The following HYDIN variants were observed in gnomAD, a reference collection of about 807,000 sequenced individuals.
HYDIN encodes HYDIN axonemal central pair apparatus protein.
Under a neutral mutation model 403.9 loss-of-function variants are expected in HYDIN, and 132 were observed. The observed-to-expected ratio is 0.33, with a 90% CI of 0.28 to 0.38. The LOEUF (loss-of-function observed/expected upper bound fraction) is 0.38, where lower values mean the gene tolerates loss of function less well. Ranked by LOEUF, HYDIN falls within the 10% of genes least tolerant of loss-of-function variation. The pLI is 1.00. For missense variants in HYDIN, 2,827 were observed against 5,009.5 expected, an observed-to-expected ratio of 0.56 and a Z score of 13.15; for synonymous variants, 1,202 against 1,891.7, an observed-to-expected ratio of 0.64 and a Z score of 9.46.
At chr16:71,163,006 G>A (rs542008191) in intron 5 of HYDIN, among the ~76,000 whole-genome samples, 208 of 152,296 alleles carry the variant, frequency 1.4e-3, no homozygotes, top group African/African-American at 4.7e-3. Flanking sequence ...ATGAAGGTCA[G>A]TGGAAGGCCA....
intron 9 of HYDIN, among the ~76,000 whole-genome samples, chr16:71,125,196 C>A (rs1234655539): frequency 1.3e-5 from 2 of 152,194 alleles, no homozygotes; most frequent in African/African-American, 2.4e-5. Context: ...CCTTTTCGCT[C>A]TGCTCTTAAG....
chr16:70,974,392 T>C, intron 32 of HYDIN, 92 bp from the exon 33 acceptor site: 1 of 1,518,712 alleles, frequency 6.6e-7, no homozygotes, highest in Non-Finnish European at 8.8e-7. Context: ...TCAGAATGAC[T>C]GCTCAGAGGA....
chr16:71,060,164 G>T (rs1334507495), intron 18 of HYDIN, among the ~76,000 whole-genome samples: 1 of 151,432 alleles, frequency 6.6e-6, no homozygotes, highest in Non-Finnish European at 1.5e-5. Context: ...AGGGGAGCTT[G>T]TTGACCTCCG....
chr16:70,974,436 C>G, intron 32 of HYDIN, 98 bp downstream of exon 32: 3 of 1,447,392 alleles, frequency 2.1e-6, no homozygotes, highest in Non-Finnish European at 2.8e-6. Flanking sequence ...TTTAGCTGAT[C>G]CCAGAGGCAC....
chr16:71,202,923 T>C (rs2088093917), intron 1 of HYDIN, among the ~76,000 whole-genome samples: 1 of 152,176 alleles, frequency 6.6e-6, no homozygotes, highest in African/African-American at 2.4e-5. Context: ...TAGTATCCTA[T>C]ACTCTTCTGC....
chr16:70,981,350 T>C, intron 29 of HYDIN, 41 bp downstream of exon 29: 1 of 1,567,270 alleles, frequency 6.4e-7, no homozygotes, highest in South Asian at 1.2e-5. Context: ...AAAATGCTTG[T>C]TTTGTCCCCA....
intron 73 of HYDIN, among the ~76,000 whole-genome samples, chr16:70,853,011 TAAAA>T (rs77008189): frequency 1.5e-5 from 2 of 131,004 alleles, no homozygotes; most frequent in Non-Finnish European, 3.2e-5. Context: ...CCATCTCTAC[TAAAA>T]AAAAAAAAAA....
intron 27 of HYDIN, among the ~76,000 whole-genome samples, chr16:70,987,263 T>C (rs2079219363): frequency 6.6e-6 from 1 of 152,214 alleles, no homozygotes; most frequent in Non-Finnish European, 1.5e-5. Flanking sequence ...AAAACCGGAA[T>C]ACGAAACCAC....
At chr16:71,108,368 T>A (rs2083694048) in intron 10 of HYDIN, among the ~76,000 whole-genome samples, 1 of 152,018 alleles carries the variant, frequency 6.6e-6, no homozygotes, top group Non-Finnish European at 1.5e-5. Flanking sequence ...GATATGATGG[T>A]CATCAAGAAC....
chr16:70,880,496 C>T (rs1194683661), intron 60 of HYDIN, among the ~76,000 whole-genome samples: 10 of 151,864 alleles, frequency 6.6e-5, no homozygotes, highest in Non-Finnish European at 8.8e-5. Context: ...ACAGAGCATC[C>T]GCTGGTCTTC....
Position 70,955,454 on chromosome 16 carries a change from G to A in HYDIN, c.6237C>T (p.Asn2079=). The change falls in exon 40 of 86, where the codon AAC becomes AAT. Residue 2079 remains asparagine, a synonymous_variant. Transcript: ENST00000393567. Reference sequence around the variant, plus strand: ...CACGGGCCCGGATCCCTGGGATGTTGTTGCTGTTGGCCACAGCTTCCAGCA... The same window carrying A: ...CACGGGCCCGGATCCCTGGGATGTTATTGCTGTTGGCCACAGCTTCCAGCA... ...SIVLEAVANS[N]NIPGIRAREL... 6.2e-7 allele frequency: 1 copy of A among 1,614,042 alleles called. No homozygotes were observed. The highest frequency in any genetic ancestry group is 8.5e-7 in the Non-Finnish European group (1 of 1,179,966).
chr16:71,090,210 C>T (rs112919252), intron 11 of HYDIN: 32 of 123,164 alleles, frequency 2.6e-4, no homozygotes, highest in African/African-American at 1.2e-3. Context: ...CCAGGCTTCA[C>T]CCTTCATTGC....
Position 70,920,857 on chromosome 16 carries a change from C to T in HYDIN, c.7519G>A (p.Gly2507Ser). 6.3e-7 allele frequency: 1 copy of T among 1,598,896 alleles called. No individual in the cohort carries two copies. The highest frequency in any genetic ancestry group is 8.5e-7 in the Non-Finnish European group (1 of 1,172,020). The stretch of plus-strand genomic sequence containing the variant: ...CGCTCTCTCTCCCGGTCCTTGCGGC[C>T]CCTGCGCCCACCCAAGGGGACCTGG... Reference protein sequence around the residue: ...QRQVPLGGRRGRKDRERERLE... With the variant: ...QRQVPLGGRRSRKDRERERLE... The change falls in exon 46 of 86, where the codon GGC becomes AGC. Residue 2507 changes from glycine (G) to serine (S), a missense_variant. Coordinates refer to ENST00000393567, the MANE Select transcript of HYDIN (RefSeq NM_001270974.2).
chr16:70,943,667 G>A (rs1280781961), intron 42 of HYDIN, 145 bp downstream of exon 42: 3 of 1,164,184 alleles, frequency 2.6e-6, no homozygotes, highest in Admixed American at 2.8e-5. Flanking sequence ...GGGTCGACAA[G>A]AGCTGTCAAA....
intron 41 of HYDIN, 84 bp from the exon 42 acceptor site, chr16:70,944,033 G>A (rs2077767594): frequency 9.9e-7 from 1 of 1,005,602 alleles, no homozygotes; most frequent in African/African-American, 1.6e-5. Flanking sequence ...AGGACCTTGG[G>A]AAGATCACAT....
At chr16:71,227,711 A>C (rs945215020) in intron 1 of HYDIN, among the ~76,000 whole-genome samples, 2 of 152,240 alleles carry the variant, frequency 1.3e-5, no homozygotes, top group African/African-American at 4.8e-5. Flanking sequence ...GGAATAATCA[A>C]TATCGTGAAA....
At chr16:71,024,384 C>A (rs575242811) in intron 21 of HYDIN, among the ~76,000 whole-genome samples, 2 of 152,222 alleles carry the variant, frequency 1.3e-5, no homozygotes, top group Non-Finnish European at 2.9e-5. Context: ...GTAGTCTCAA[C>A]TTGAGGCACT....
intron 6 of HYDIN, among the ~76,000 whole-genome samples, chr16:71,158,022 A>G (rs2085844769): frequency 6.7e-6 from 1 of 149,548 alleles, no homozygotes; most frequent in Non-Finnish European, 1.5e-5. Context: ...CCTTCTTCCT[A>G]CTCTCCAGTC....
intron 9 of HYDIN, among the ~76,000 whole-genome samples, chr16:71,124,322 G>A (rs2084368354): frequency 6.6e-6 from 1 of 152,250 alleles, no homozygotes; most frequent in African/African-American, 2.4e-5. Context: ...CTAGAGTTTT[G>A]AGTCTGTCAT....
Sources: allele counts gnomAD v4.1 joint callset (sites outside exome capture counted in the v4.1 genomes callset), GRCh38; gene constraint gnomAD v4.1.1; transcripts MANE v1.5; gene names NCBI Gene and HGNC (gene_info 2026-07-23, HGNC 2026-07-21).